Variants in RAP1GDS1 observed in about 807,000 individuals in gnomAD.
The protein encoded by RAP1GDS1 is Rap1 GTPase-GDP dissociation stimulator 1, also known as RAP1, GTP-GDP dissociation stimulator 1.
A neutral mutation model predicts 71.1 loss-of-function variants in RAP1GDS1; 35 were observed. The observed-to-expected ratio is 0.49, with a 90% CI of 0.38 to 0.65. The LOEUF (loss-of-function observed/expected upper bound fraction) is 0.65. Ranked by LOEUF, RAP1GDS1 falls within the 30% of genes least tolerant of loss-of-function variation. The pLI, the probability that RAP1GDS1 is intolerant of heterozygous loss-of-function variation, is 0.00. For missense variants in RAP1GDS1, 663 were observed against 706.1 expected (o/e 0.94, Z 0.69); for synonymous variants, 229 against 243.1 (o/e 0.94, Z 0.54).
At position 98,417,334 on chromosome 4, in the gene RAP1GDS1, T is replaced by G. The variant is rs557833318; in HGVS notation, c.908-33T>G. The G allele has an allele frequency of 6.9e-6, 11 of 1,588,820 alleles. No homozygotes were observed. In the South Asian group the frequency reaches 1.0e-4, roughly 15 times the overall value. ...AATTTGTTACTCCTAGTTATTTTTCTCTTGCTTAACTATTCGTTTCATTTA... is the reference window on the plus strand; with the variant it reads ...AATTTGTTACTCCTAGTTATTTTTCGCTTGCTTAACTATTCGTTTCATTTA... On this transcript the variant is annotated intron_variant, in intron 8 of 14. Coordinates refer to ENST00000408927, the MANE Select transcript of RAP1GDS1 (RefSeq NM_001100427.2).
chr4:98,374,634 G>T (rs766387061), intron 4 of RAP1GDS1, among the ~76,000 whole-genome samples: 1 of 152,152 alleles, frequency 6.6e-6, no homozygotes, highest in African/African-American at 2.4e-5. Flanking sequence ...TAGGGTGTTC[G>T]CATAGGGTAG....
intron 3 of RAP1GDS1, among the ~76,000 whole-genome samples, chr4:98,350,570 T>A (rs1348646779): frequency 6.6e-6 from 1 of 152,118 alleles, no homozygotes; most frequent in Non-Finnish European, 1.5e-5. Flanking sequence ...CCGGGCGTGG[T>A]GGCTCACGGC....
At chr4:98,325,882 G>A (rs369449746) in intron 2 of RAP1GDS1, among the ~76,000 whole-genome samples, 5 of 148,504 alleles carry the variant, frequency 3.4e-5, no homozygotes, top group Non-Finnish European at 5.9e-5. Flanking sequence ...TGTAACTAAC[G>A]TGCACAATAT....
At chr4:98,296,663 A>G (rs1727801258) in intron 2 of RAP1GDS1, among the ~76,000 whole-genome samples, 1 of 152,128 alleles carries the variant, frequency 6.6e-6, no homozygotes, top group African/African-American at 2.4e-5. Flanking sequence ...TTTGATTCAG[A>G]TTATAGTTAG....
rs533703126 is a variant in RAP1GDS1, at chr4:98,387,777, G to A, written c.509-4175G>A. 3.3e-5 allele frequency among the ~76,000 whole-genome samples: 5 copies of A among 152,256 alleles called. No individual in the cohort carries two copies. The South Asian group carries it at 1.0e-3, about 32-fold the overall frequency. On this transcript the variant is annotated intron_variant, in intron 5 of 14. Coordinates refer to ENST00000408927, the MANE Select transcript of RAP1GDS1 (RefSeq NM_001100427.2). Reference sequence around the variant, plus strand: ...TCACACATAAGTGTTTGCTATGTATGGGCCTGGGTTACATTTTTGTGAATT... The same window carrying A: ...TCACACATAAGTGTTTGCTATGTATAGGCCTGGGTTACATTTTTGTGAATT...
At chr4:98,313,534 G>C (rs1353673986) in intron 2 of RAP1GDS1, among the ~76,000 whole-genome samples, 1 of 152,102 alleles carries the variant, frequency 6.6e-6, no homozygotes, top group Non-Finnish European at 1.5e-5. Context: ...CTTAGCATTA[G>C]AACTTTACAC....
At chr4:98,321,203 A>C (rs1357666369) in intron 2 of RAP1GDS1, among the ~76,000 whole-genome samples, 20 of 142,010 alleles carry the variant, frequency 1.4e-4, no homozygotes, top group Non-Finnish European at 2.6e-4. Flanking sequence ...AAATGAAGCG[A>C]GAAGGGAAGT....
chr4:98,308,865 T>C (rs1301701989), intron 2 of RAP1GDS1, among the ~76,000 whole-genome samples: 2 of 152,170 alleles, frequency 1.3e-5, no homozygotes, highest in African/African-American at 2.4e-5. Context: ...CTTAATCTAG[T>C]AATGTATAGT....
intron 1 of RAP1GDS1, among the ~76,000 whole-genome samples, chr4:98,290,053 C>T (rs1578320457): frequency 6.6e-6 from 1 of 152,164 alleles, no homozygotes; most frequent in East Asian, 1.9e-4. Context: ...GCTCAGTTAG[C>T]AGTTCTTGTG....
rs563876020 is a variant in RAP1GDS1 at position 98,367,376 on chromosome 4, G to A, written c.362-11641G>A. Among the ~76,000 whole-genome samples, 5 of 152,320 alleles carry A rather than the reference G, an allele frequency of 3.3e-5. No individual in the cohort carries two copies. In the East Asian group the frequency reaches 5.8e-4, roughly 18 times the overall value. ...AGGCAGAAGTTTGCTTCAGGGGTGG[G>A]ACCCTCATGGAGAACCTCTGCTAAG... On this transcript the variant is annotated intron_variant, in intron 4 of 14. Transcript: ENST00000408927.
intron 1 of RAP1GDS1, among the ~76,000 whole-genome samples, chr4:98,272,263 T>C (rs1177698987): frequency 6.6e-6 from 1 of 152,212 alleles, no homozygotes; most frequent in Admixed American, 6.5e-5. Flanking sequence ...AATAGGAACA[T>C]TAAAATCAAC....
chr4:98,295,927 A>G (rs947145189), intron 2 of RAP1GDS1, among the ~76,000 whole-genome samples: 2 of 152,176 alleles, frequency 1.3e-5, no homozygotes, highest in African/African-American at 4.8e-5. Context: ...TTAATTTTCT[A>G]CAGTTCTTCC....
intron 4 of RAP1GDS1, among the ~76,000 whole-genome samples, chr4:98,359,272 G>A (rs1560897915): frequency 6.6e-6 from 1 of 151,870 alleles, no homozygotes; most frequent in Admixed American, 6.6e-5. Flanking sequence ...TCCTAGAAAG[G>A]GAATAACTGA....
chr4:98,366,379 A>G (rs762128993), intron 4 of RAP1GDS1, among the ~76,000 whole-genome samples: 16 of 152,292 alleles, frequency 1.1e-4, no homozygotes, highest in African/African-American at 3.1e-4. Context: ...TGTAAGTCCA[A>G]TTACACCTCT....
chr4:98,273,056 C>T (rs894417739), intron 1 of RAP1GDS1, among the ~76,000 whole-genome samples: 5 of 152,124 alleles, frequency 3.3e-5, no homozygotes, highest in Non-Finnish European at 7.3e-5. Flanking sequence ...TTGATGATTG[C>T]TCTCAATTGG....
chr4:98,297,613 C>T (rs1041779933), intron 2 of RAP1GDS1, among the ~76,000 whole-genome samples: 3 of 152,142 alleles, frequency 2.0e-5, no homozygotes, highest in African/African-American at 7.2e-5. Context: ...TGATGGTAAA[C>T]TTAATTGATA....
chr4:98,409,002 A>C (rs1211476119), intron 7 of RAP1GDS1, among the ~76,000 whole-genome samples: 1 of 152,182 alleles, frequency 6.6e-6, no homozygotes, highest in Non-Finnish European at 1.5e-5. Flanking sequence ...TCCATTTAAC[A>C]TTGTATTGTA....
chr4:98,403,452 A>G (rs999624546), intron 6 of RAP1GDS1, among the ~76,000 whole-genome samples: 4 of 151,344 alleles, frequency 2.6e-5, no homozygotes, highest in Non-Finnish European at 5.9e-5. Context: ...CTGTGCAGAT[A>G]GACAGAGTGT....
At chr4:98,419,378 A>G (rs912157436) in intron 10 of RAP1GDS1, among the ~76,000 whole-genome samples, 1 of 152,180 alleles carries the variant, frequency 6.6e-6, no homozygotes, top group African/African-American at 2.4e-5. Flanking sequence ...TTGAGGTAGA[A>G]TAATGACATC....
Sources: gnomAD v4.1 joint callset for allele counts (sites outside exome capture counted in the v4.1 genomes callset) on GRCh38, gnomAD v4.1.1 for gene constraint, MANE v1.5 for transcripts, NCBI Gene and HGNC (gene_info 2026-07-23, HGNC 2026-07-21) for gene names.